The following ASXL3 variants were observed in gnomAD, a reference collection of about 807,000 sequenced individuals.
The protein encoded by ASXL3 is ASXL transcriptional regulator 3, also known as putative Polycomb group protein ASXL3.
ASXL3 carries 34 observed loss-of-function variants against 170.6 expected under a neutral mutation model. The ratio of observed to expected loss-of-function variants is 0.20; its 90% CI spans 0.15 to 0.27. ASXL3 has a LOEUF of 0.27. Ranked by LOEUF, ASXL3 falls within the 10% of genes least tolerant of loss-of-function variation. The probability of loss-of-function intolerance (pLI) is 1.00; values close to 1 mark genes in which losing one functional copy is unlikely to be tolerated. For synonymous variants in ASXL3, 1,002 were observed against 989.1 expected (o/e 1.01, Z -0.24); for missense variants, 2,592 against 2,695.3 (o/e 0.96, Z 0.85).
rs866215181 is a variant in ASXL3, at chr18:33,744,439, G to A, written c.4591G>A (p.Glu1531Lys). 4 of 1,613,552 alleles carry A rather than the reference G, an allele frequency of 2.5e-6. No homozygotes were observed. The highest frequency in any genetic ancestry group is 1.1e-5 in the South Asian group (1 of 91,044). Residue 1531 changes from glutamate to lysine, a missense_variant, in exon 12 of 12, where the codon GAA becomes AAA. By Grantham distance (56) the Glu-to-Lys change is moderately conservative. Around this residue, in one of 4 missense-constraint regions of ASXL3, gnomAD observed 2,246 missense variants for 2,219.6 expected, o/e 1.01. Coordinates refer to ENST00000269197, the MANE Select transcript of ASXL3 (RefSeq NM_030632.3). ...TAGCAGGCCTGAGCCAGTTGCCAAC[G>A]AAGGTATAGATCACAGTTCCACTTT... ...VISRPEPVAN[E>K]GIDHSSTFIA... is the part of the protein sequence containing the mutation.
chr18:33,627,334 G>T (rs1413117827), intron 2 of ASXL3, among the ~76,000 whole-genome samples: 2 of 152,152 alleles, frequency 1.3e-5, no homozygotes, highest in Non-Finnish European at 2.9e-5. Context: ...TGAATTGTTG[G>T]AAAGTGAAAA....
At chr18:33,732,097 A>G in intron 9 of ASXL3, 33 bp downstream of exon 9, 5 of 1,532,968 alleles carry the variant, frequency 3.3e-6, no homozygotes, top group Non-Finnish European at 1.8e-6. Flanking sequence ...TATGTGACAT[A>G]TTGGAGTACA....
intron 1 of ASXL3, 87 bp from the exon 2 acceptor site, chr18:33,607,507 A>G: frequency 9.1e-7 from 1 of 1,097,964 alleles, no homozygotes; most frequent in Non-Finnish European, 1.3e-6. Flanking sequence ...CCCTCTAATA[A>G]AATAAGCAGA....
At chr18:33,627,702 A>G (rs2065622599) in intron 2 of ASXL3, among the ~76,000 whole-genome samples, 1 of 152,104 alleles carries the variant, frequency 6.6e-6, no homozygotes, top group South Asian at 2.1e-4. Flanking sequence ...TTTCCTAAGA[A>G]TCAAATTGGG....
intron 5 of ASXL3, among the ~76,000 whole-genome samples, chr18:33,667,844 A>AGGG (rs2066283019): frequency 6.6e-6 from 1 of 152,168 alleles, no homozygotes; most frequent in South Asian, 2.1e-4. Context: ...GTCCCTATTC[A>AGGG]CCATTATAAA....
chr18:33,733,549 A>C (rs1480805568), intron 9 of ASXL3, among the ~76,000 whole-genome samples: 1 of 152,080 alleles, frequency 6.6e-6, no homozygotes, highest in Non-Finnish European at 1.5e-5. Flanking sequence ...GCAGTCCTCC[A>C]ATTACTTCAC....
chr18:33,630,163 G>A (rs910926860), intron 2 of ASXL3, among the ~76,000 whole-genome samples: 4 of 151,912 alleles, frequency 2.6e-5, no homozygotes, highest in Non-Finnish European at 5.9e-5. Flanking sequence ...TACTAAGTCT[G>A]GGGAGGGGAA....
chr18:33,622,906 T>A (rs1342276860), intron 2 of ASXL3, among the ~76,000 whole-genome samples: 1 of 152,190 alleles, frequency 6.6e-6, no homozygotes, highest in African/African-American at 2.4e-5. Flanking sequence ...AGGGTCCTTC[T>A]TGGAGAACAA....
Position 33,683,407 on chromosome 18 carries a change from C to T in ASXL3, c.718C>T (p.His240Tyr). Reference protein sequence around the residue: ...LKRLKKSGLGHLKWTKAEDID... With the variant: ...LKRLKKSGLGYLKWTKAEDID... ...TGCCTCTTGCTTGTTCATCACAGGG[C>T]ACTTGAAATGGACCAAAGCTGAGGA... Residue 240 changes from histidine to tyrosine, a missense_variant and splice_region_variant, in exon 8 of 12, where the codon CAC (histidine) becomes TAC (tyrosine). His to Tyr is a moderately conservative substitution (Grantham distance 83, BLOSUM62 2). Around this residue, in one of 4 missense-constraint regions of ASXL3, gnomAD observed 251 missense variants for 281.9 expected, o/e 0.89. Transcript: ENST00000269197. 1 of 1,610,530 alleles carries T rather than the reference C, an allele frequency of 6.2e-7. No individual in the cohort carries two copies. Among genetic ancestry groups the T allele is most frequent in the Non-Finnish European group, 8.5e-7 (1 of 1,178,248 alleles).
intron 4 of ASXL3, among the ~76,000 whole-genome samples, chr18:33,659,115 C>T (rs2066130871): frequency 1.3e-5 from 2 of 151,994 alleles, no homozygotes; most frequent in Admixed American, 6.6e-5. Context: ...GTAGCAGTTA[C>T]CCTCAGGAAG....
chr18:33,651,844 C>G (rs1038002420), intron 4 of ASXL3, among the ~76,000 whole-genome samples: 2 of 151,982 alleles, frequency 1.3e-5, no homozygotes, highest in Non-Finnish European at 2.9e-5. Flanking sequence ...GGGAAACATT[C>G]TTTTAAAATG....
intron 10 of ASXL3, 31 bp from the exon 11 acceptor site, chr18:33,738,456 G>A (rs1361739002): frequency 1.3e-6 from 2 of 1,554,112 alleles, no homozygotes; most frequent in East Asian, 2.3e-5. Context: ...TTTTGTGGTT[G>A]AGCAATAATT....
Position 33,578,458 on chromosome 18 carries a change from C to CCACCCGCCGCCGCCGCCGCCGCCG in ASXL3, c.-173_-172insACCCGCCGCCGCCGCCGCCGCCGC, listed in dbSNP as rs1472191453. 1 of 92,230 alleles carries CCACCCGCCGCCGCCGCCGCCGCCG rather than the reference C, an allele frequency of 1.1e-5. No individual in the cohort carries two copies. Among genetic ancestry groups the CCACCCGCCGCCGCCGCCGCCGCCG allele is most frequent in the African/African-American group, 6.0e-5 (1 of 16,634 alleles). 5.7% of individuals were successfully genotyped at this position (92,230 alleles called of 1,614,324 possible). On this transcript the variant is annotated 5_prime_UTR_variant, in exon 1 of 12. Coordinates refer to ENST00000269197, the MANE Select transcript of ASXL3 (RefSeq NM_030632.3). ...CCACCCCCTCGCTCCATCCCTCCCA[C>CCACCCGCCGCCGCCGCCGCCGCCG]CCGCCGCCGCCGCCGCCGCCGCCGC...
At chr18:33,611,950 G>T (rs1002241379) in intron 2 of ASXL3, among the ~76,000 whole-genome samples, 6 of 151,934 alleles carry the variant, frequency 3.9e-5, no homozygotes, top group Admixed American at 1.3e-4. Flanking sequence ...AAAGAAATGT[G>T]TGCTCTGTTA....
At chr18:33,681,473 A>C (rs1426369417) in intron 7 of ASXL3, among the ~76,000 whole-genome samples, 3 of 152,108 alleles carry the variant, frequency 2.0e-5, no homozygotes, top group Non-Finnish European at 4.4e-5. Flanking sequence ...TGAAATTCTA[A>C]ATTGACAGTT....
intron 1 of ASXL3, among the ~76,000 whole-genome samples, chr18:33,597,231 T>A (rs538704405): frequency 6.6e-6 from 1 of 152,242 alleles, no homozygotes; most frequent in African/African-American, 2.4e-5. Context: ...AACGCTAATA[T>A]TTTTATATGG....
At chr18:33,590,888 A>C (rs958063365) in intron 1 of ASXL3, among the ~76,000 whole-genome samples, 2 of 152,208 alleles carry the variant, frequency 1.3e-5, no homozygotes, top group African/African-American at 4.8e-5. Context: ...TTTAGATCTT[A>C]ACACACTAAA....
At chr18:33,599,222 A>G (rs1422439172) in intron 1 of ASXL3, among the ~76,000 whole-genome samples, 1 of 152,106 alleles carries the variant, frequency 6.6e-6, no homozygotes, top group Non-Finnish European at 1.5e-5. Context: ...TTTATTTTTG[A>G]TAGGATTATT....
At chr18:33,697,755 G>T (rs1167709721) in intron 8 of ASXL3, among the ~76,000 whole-genome samples, 1 of 151,952 alleles carries the variant, frequency 6.6e-6, no homozygotes, top group Non-Finnish European at 1.5e-5. Flanking sequence ...TGTAATCCTA[G>T]CACTTTGAGA....
Sources: gnomAD v4.1 joint callset for allele counts (sites outside exome capture counted in the v4.1 genomes callset) on GRCh38, gnomAD v4.1.1 for gene constraint, gnomAD v4.1.1 regional missense constraint, MANE v1.5 for transcripts, NCBI Gene and HGNC (gene_info 2026-07-23, HGNC 2026-07-21) for gene names.